Variants in ABCE1 observed in about 807,000 individuals in gnomAD.
ABCE1 encodes the protein ATP binding cassette subfamily E member 1.
Under a neutral mutation model 83.4 loss-of-function variants are expected in ABCE1, and 22 were observed. The ratio of observed to expected loss-of-function variants is 0.26; its 90% CI spans 0.19 to 0.38. The LOEUF (loss-of-function observed/expected upper bound fraction) is 0.38. Ranked by LOEUF, ABCE1 falls within the 10% of genes least tolerant of loss-of-function variation. The pLI, the probability that ABCE1 is intolerant of heterozygous loss-of-function variation, is 1.00. For missense variants in ABCE1, 330 were observed against 721.9 expected (o/e 0.46, Z 6.22); for synonymous variants, 204 against 233.7 (o/e 0.87, Z 1.16).
chr4:145,122,303 G>A (rs1346488809), intron 13 of ABCE1: 1 of 152,082 alleles, frequency 6.6e-6, no homozygotes, highest in African/African-American at 2.4e-5. Context: ...CTAAAATTCA[G>A]CCTTATCCTG....
chr4:145,105,707 T>C lies in ABCE1; in HGVS notation c.189+17T>C. 1 of 1,536,726 alleles carries C rather than the reference T, an allele frequency of 6.5e-7. No individual in the cohort carries two copies. Among genetic ancestry groups the C allele is most frequent in the South Asian group, 1.1e-5 (1 of 87,264 alleles). The stretch of plus-strand genomic sequence containing the variant: ...TGTATTAAGGTAAGTAATATTTTAT[T>C]TACTGGATCAAACGTGTAACCTAAA... On this transcript the variant is annotated intron_variant, in intron 3 of 17. Coordinates refer to ENST00000296577, the MANE Select transcript of ABCE1 (RefSeq NM_002940.3).
chr4:145,118,715 G>A (rs35613385), intron 10 of ABCE1, among the ~76,000 whole-genome samples: 38 of 151,870 alleles, frequency 2.5e-4, no homozygotes, highest in Non-Finnish European at 4.1e-4. Flanking sequence ...TAATGTGCTC[G>A]ATCTATTAAA....
chr4:145,127,457 G>A lies in ABCE1; in HGVS notation c.1753-69G>A, dbSNP rs17019895. The stretch of plus-strand genomic sequence containing the variant: ...TAAGCACAGCTAAGTAATACCATGA[G>A]TGAAAGTCTACTTTTACCTATAGTA... On this transcript the variant is annotated intron_variant, in intron 17 of 17. Coordinates refer to ENST00000296577, the MANE Select transcript of ABCE1 (RefSeq NM_002940.3). 1,592 of 1,372,854 alleles carry A rather than the reference G, an allele frequency of 1.2e-3. 22 individuals are homozygous for A. In the African/African-American group the frequency reaches 0.022, roughly 19 times the overall value. The allele number at this position is 1,372,854 out of a possible 1,614,324, so 85.0% of individuals were successfully genotyped here. A position where few individuals can be genotyped will look rare whatever the true frequency, so the allele number is the denominator to read the frequency against.
chr4:145,113,980 A>G (rs1425319123), intron 9 of ABCE1, among the ~76,000 whole-genome samples: 1 of 152,178 alleles, frequency 6.6e-6, no homozygotes, highest in African/African-American at 2.4e-5. Context: ...CTGAAAAATA[A>G]AGTGATGAAA....
At chr4:145,125,172 A>G in intron 17 of ABCE1, 71 bp downstream of exon 17, 2 of 1,140,976 alleles carry the variant, frequency 1.8e-6, no homozygotes, top group Non-Finnish European at 2.6e-6. Flanking sequence ...CTATTTAAAA[A>G]TCAATAACAT....
Position 145,112,232 on chromosome 4 carries a change from T to A in ABCE1, c.711-7T>A. ...TTATATTTGCTTTTTTTTTTTTTTTTTCATAGTTTCATGTTTGATGAGCCT... is the reference window on the plus strand; with the variant it reads ...TTATATTTGCTTTTTTTTTTTTTTTATCATAGTTTCATGTTTGATGAGCCT... On this transcript the variant is annotated splice_region_variant and splice_polypyrimidine_tract_variant and intron_variant, in intron 8 of 17. Transcript: ENST00000296577. The A allele has an allele frequency of 6.6e-7, 1 of 1,512,788 alleles. No individual in the cohort carries two copies. The highest frequency in any genetic ancestry group is 1.5e-5 in the African/African-American group (1 of 66,726). 93.7% of individuals were successfully genotyped at this position (1,512,788 alleles called of 1,614,324 possible). A position where few individuals can be genotyped will look rare whatever the true frequency, so the allele number is the denominator to read the frequency against.
intron 1 of ABCE1, among the ~76,000 whole-genome samples, chr4:145,101,942 A>G (rs989500475): frequency 6.6e-6 from 1 of 152,176 alleles, no homozygotes; most frequent in African/African-American, 2.4e-5. Flanking sequence ...TAAACCTGTG[A>G]GACCAGAATA....
rs1749369260 is a variant in ABCE1, at chr4:145,108,429, G to C, written c.287+317G>C. 2.6e-5 allele frequency among the ~76,000 whole-genome samples: 4 copies of C among 152,178 alleles called. No homozygotes were observed. The South Asian group carries it at 8.3e-4, about 31-fold the overall frequency. ...TATACAACTGGGACTGAGAGTCACT[G>C]TTGTTCCTAGTACCCTTATCCCCAA... On this transcript the variant is annotated intron_variant, in intron 4 of 17. Transcript: ENST00000296577.
At chr4:145,113,002 T>C (rs1749522731) in intron 9 of ABCE1, among the ~76,000 whole-genome samples, 1 of 152,188 alleles carries the variant, frequency 6.6e-6, no homozygotes, top group Admixed American at 6.5e-5. Flanking sequence ...TCTTCTGACT[T>C]AACAATTTAA....
rs749417486 is a variant in ABCE1, at chr4:145,110,455, A to AT, written c.613+17dup. On this transcript the variant is annotated intron_variant, in intron 7 of 17. Transcript: ENST00000296577. ...TATGTCAGCAGCTTGGTAAGTGTTT[A>AT]TTTTTTGTTTGTGTGAATATATATT... The AT allele has an allele frequency of 6.2e-7, 1 of 1,610,160 alleles. No homozygotes were observed. The highest frequency in any genetic ancestry group is 1.7e-5 in the Admixed American group (1 of 59,922).
chr4:145,109,299 G>A, intron 5 of ABCE1, 50 bp downstream of exon 5: 1 of 1,026,792 alleles, frequency 9.7e-7, no homozygotes, highest in Non-Finnish European at 1.4e-6. Context: ...AGTTTTATGA[G>A]ATTTTGGGGG....
chr4:145,121,142 T>C (rs960166015), intron 11 of ABCE1, 32 bp from the exon 12 acceptor site: 2 of 1,609,560 alleles, frequency 1.2e-6, no homozygotes, highest in Non-Finnish European at 1.7e-6. Flanking sequence ...CAAGCATCTT[T>C]CAGATCAAAC....
At chr4:145,117,997 T>C (rs1749649246) in intron 10 of ABCE1, among the ~76,000 whole-genome samples, 1 of 151,768 alleles carries the variant, frequency 6.6e-6, no homozygotes, top group Non-Finnish European at 1.5e-5. Context: ...AGCGTACCAC[T>C]AAGTGGCTCC....
chr4:145,128,425 G>C lies in ABCE1; in HGVS notation c.*852G>C. ...TTAAAGATGGTGCCTAAGCATCTAT[G>C]TATTTTTTTTAAGTTCCACAGATTT... On this transcript the variant is annotated 3_prime_UTR_variant, in exon 18 of 18. Transcript: ENST00000296577. 1 of 152,290 alleles carries C rather than the reference G, an allele frequency of 6.6e-6. No homozygotes were observed. Among genetic ancestry groups the C allele is most frequent in the East Asian group, 1.9e-4 (1 of 5,182 alleles). The allele number at this position is 152,290 out of a possible 1,614,324, so 9.4% of individuals were successfully genotyped here.
At position 145,129,197 on chromosome 4, in the gene ABCE1, T is replaced by C. The variant is rs1056075070; in HGVS notation, c.*1624T>C. On this transcript the variant is annotated 3_prime_UTR_variant, in exon 18 of 18. Coordinates refer to ENST00000296577, the MANE Select transcript of ABCE1 (RefSeq NM_002940.3). ...TGATCCTGGATTGTCTTAAAGAAAGTACTTGTGATATAAGAGCACAGTTCT... is the reference window on the plus strand; with the variant it reads ...TGATCCTGGATTGTCTTAAAGAAAGCACTTGTGATATAAGAGCACAGTTCT... 4 of 152,192 alleles carry C rather than the reference T, an allele frequency of 2.6e-5. No homozygotes were observed. The highest frequency in any genetic ancestry group is 7.2e-5 in the African/African-American group (3 of 41,434). The allele number at this position is 152,192 out of a possible 1,614,324, so 9.4% of individuals were successfully genotyped here.
intron 8 of ABCE1, among the ~76,000 whole-genome samples, chr4:145,111,472 C>T (rs1560959911): frequency 6.6e-6 from 1 of 152,102 alleles, no homozygotes; most frequent in Admixed American, 6.5e-5. Context: ...TACAGACGCC[C>T]GCCACCACAC....
At chr4:145,119,842 T>G (rs1049173389) in intron 10 of ABCE1, 90 bp from the exon 11 acceptor site, 2 of 871,086 alleles carry the variant, frequency 2.3e-6, no homozygotes, top group African/African-American at 1.8e-5. Context: ...CCACAGAAAT[T>G]TAAAGTATAT....
chr4:145,112,742 T>G (rs1007490648), intron 9 of ABCE1, among the ~76,000 whole-genome samples: 1 of 152,202 alleles, frequency 6.6e-6, no homozygotes, highest in Non-Finnish European at 1.5e-5. Context: ...TTATCATAAC[T>G]TCTGTTAGTA....
chr4:145,120,753 CTT>C (rs1749719114), intron 11 of ABCE1, among the ~76,000 whole-genome samples: 1 of 151,964 alleles, frequency 6.6e-6, no homozygotes, highest in Non-Finnish European at 1.5e-5. Flanking sequence ...ATGTATCAGT[CTT>C]TAGATAATGG....
Sources: gnomAD v4.1 joint callset for allele counts (sites outside exome capture counted in the v4.1 genomes callset) on GRCh38, gnomAD v4.1.1 for gene constraint, MANE v1.5 for transcripts, NCBI Gene and HGNC (gene_info 2026-07-23, HGNC 2026-07-21) for gene names.